Variants in BCAS3 observed in about 807,000 individuals in gnomAD.
The protein encoded by BCAS3 is BCAS3 microtubule associated cell migration factor, also known as BCAS4/BCAS3 fusion.
BCAS3 carries 53 observed loss-of-function variants against 116.1 expected under a neutral mutation model. That is an observed-to-expected ratio of 0.46 (90% CI 0.37 to 0.57). The LOEUF (loss-of-function observed/expected upper bound fraction) is 0.57, where lower values mean the gene tolerates loss of function less well. Among genes scored for constraint, BCAS3 ranks in the 20% least tolerant of loss-of-function variants. BCAS3 has a pLI of 0.00. For missense variants in BCAS3, 917 were observed against 1,165.4 expected (o/e 0.79, Z 3.10); for synonymous variants, 391 against 408.2 (o/e 0.96, Z 0.51).
chr17:61,030,451 G>T (rs1349029695), intron 16 of BCAS3, among the ~76,000 whole-genome samples: 1 of 152,038 alleles, frequency 6.6e-6, no homozygotes, highest in Non-Finnish European at 1.5e-5. Flanking sequence ...TATTGACCTG[G>T]CTGGATTACA....
chr17:61,384,164 C>G (rs2059736935), intron 23 of BCAS3, among the ~76,000 whole-genome samples: 1 of 152,218 alleles, frequency 6.6e-6, no homozygotes, highest in African/African-American at 2.4e-5. Context: ...TCTCCATCCC[C>G]CAAGCCCACC....
intron 22 of BCAS3, among the ~76,000 whole-genome samples, chr17:61,328,063 G>A (rs777549293): frequency 2.0e-5 from 3 of 151,692 alleles, no homozygotes; most frequent in Non-Finnish European, 4.4e-5. Flanking sequence ...CTGTTGTAAC[G>A]GCAAAGGAAA....
At chr17:60,979,772 G>C (rs1176909795) in intron 14 of BCAS3, among the ~76,000 whole-genome samples, 1 of 152,116 alleles carries the variant, frequency 6.6e-6, no homozygotes, top group Non-Finnish European at 1.5e-5. Context: ...TTTTGTCTTT[G>C]GTTCTGTTTA....
In BCAS3 at chr17:61,088,232, T is replaced by C. The variant is rs1568326448; in HGVS notation, c.2425+3668T>C. On this transcript the variant is annotated intron_variant, in intron 22 of 23. Transcript: ENST00000407086. The surrounding 1 kb of genome is among the most constrained non-coding windows in gnomAD (Gnocchi z 4.2). ...AACAAAAACCATCCTACCTAAAATT[T>C]GTGGGGGTTAAATAATTGTAAGATG... Among the ~76,000 whole-genome samples, 1 of 152,092 alleles carries C rather than the reference T, an allele frequency of 6.6e-6. No homozygotes were observed. Among genetic ancestry groups the C allele is most frequent in the Non-Finnish European group, 1.5e-5 (1 of 68,002 alleles).
chr17:60,933,257 C>G (rs998667873), intron 13 of BCAS3, among the ~76,000 whole-genome samples: 1 of 152,136 alleles, frequency 6.6e-6, no homozygotes, highest in African/African-American at 2.4e-5. Context: ...GGACAACAAA[C>G]TATTTCTTAT....
intron 22 of BCAS3, among the ~76,000 whole-genome samples, chr17:61,317,282 A>C (rs2054826265): frequency 6.6e-6 from 1 of 152,042 alleles, no homozygotes; most frequent in Admixed American, 6.5e-5. Context: ...GAGAGAGGGG[A>C]CTCCTCCAGA....
At chr17:61,152,591 C>T (rs2077600418) in intron 22 of BCAS3, among the ~76,000 whole-genome samples, 1 of 151,926 alleles carries the variant, frequency 6.6e-6, no homozygotes, top group Admixed American at 6.6e-5. Flanking sequence ...AGCCCAACCT[C>T]AGATCTAAGA....
At chr17:60,848,838 TACAA>T in intron 7 of BCAS3, among the ~76,000 whole-genome samples, 1 of 129,974 alleles carries the variant, frequency 7.7e-6, no homozygotes, top group African/African-American at 3.3e-5. Context: ...TAGCTGGGAC[TACAA>T]AAAAAAAAAA....
At chr17:60,763,423 C>T (rs906826523) in intron 6 of BCAS3, among the ~76,000 whole-genome samples, 6 of 152,040 alleles carry the variant, frequency 3.9e-5, no homozygotes, top group Non-Finnish European at 5.9e-5. Flanking sequence ...CGAATTTTGT[C>T]GAAGGCCTTT....
intron 6 of BCAS3, among the ~76,000 whole-genome samples, chr17:60,782,752 A>AT (rs915151670): frequency 8.0e-5 from 12 of 150,470 alleles, no homozygotes; most frequent in Non-Finnish European, 1.2e-4. Context: ...CACACAGCTA[A>AT]TTTTTTTTTA....
rs1229864550 is a variant in BCAS3, at chr17:60,683,982, A to G, written c.84A>G (p.Thr28=). Residue 28 remains threonine, a splice_region_variant and synonymous_variant, in exon 3 of 24, where the codon ACA becomes ACG. Coordinates refer to ENST00000407086, the MANE Select transcript of BCAS3 (RefSeq NM_017679.5). ...TGTTGTCCATTTCACCCTTTTCCAGAGAGCAGTCCTACATGGAAAGTGTTG... is the reference window on the plus strand; with the variant it reads ...TGTTGTCCATTTCACCCTTTTCCAGGGAGCAGTCCTACATGGAAAGTGTTG... ...GGVVVRPQAV[T]EQSYMESVVT... 7 of 1,613,288 alleles carry G rather than the reference A, an allele frequency of 4.3e-6. No homozygotes were observed. The highest frequency in any genetic ancestry group is 5.1e-6 in the Non-Finnish European group (6 of 1,179,382).
At chr17:60,698,458 A>T (rs186321013) in intron 4 of BCAS3, among the ~76,000 whole-genome samples, 137 of 152,238 alleles carry the variant, frequency 9.0e-4, no homozygotes, top group Admixed American at 1.1e-3. Context: ...AGTCTGGGCA[A>T]CACAGTGAAA....
intron 22 of BCAS3, among the ~76,000 whole-genome samples, chr17:61,357,294 TA>T (rs1406524509): frequency 1.4e-5 from 2 of 145,784 alleles, no homozygotes; most frequent in East Asian, 3.9e-4. Context: ...AATAAATAAA[TA>T]AAATAACAGG....
At chr17:60,757,390 GTA>G (rs1276711050) in intron 6 of BCAS3, among the ~76,000 whole-genome samples, 90 of 142,724 alleles carry the variant, frequency 6.3e-4, no homozygotes, top group Admixed American at 2.4e-3. Flanking sequence ...TTGCCAGCAT[GTA>G]TATGTGTGTG....
chr17:61,298,925 C>A (rs1296644452), intron 22 of BCAS3, among the ~76,000 whole-genome samples: 1 of 151,902 alleles, frequency 6.6e-6, no homozygotes, highest in East Asian at 2.0e-4. Context: ...TGGGTTCAAG[C>A]AGTTCTCCTG....
intron 23 of BCAS3, among the ~76,000 whole-genome samples, chr17:61,373,687 A>ATCTGCCTGCCTCAGCT (rs1379946681): frequency 7.5e-6 from 1 of 133,014 alleles, no homozygotes; most frequent in East Asian, 2.4e-4. Flanking sequence ...GCCTCAAGTG[A>ATCTGCCTGCCTCAGCT]TCCCAAAGTG....
intron 22 of BCAS3, among the ~76,000 whole-genome samples, chr17:61,123,554 A>G (rs1265485902): frequency 4.0e-5 from 6 of 151,808 alleles, no homozygotes; most frequent in Non-Finnish European, 8.8e-5. Context: ...GGGGCCTTAC[A>G]TGGAGTGGGC....
intron 22 of BCAS3, among the ~76,000 whole-genome samples, chr17:61,133,599 C>T (rs2076452980): frequency 6.6e-6 from 1 of 152,060 alleles, no homozygotes; most frequent in Admixed American, 6.6e-5. Context: ...CAGGACTGAA[C>T]CAAATTCCCC....
chr17:60,731,440 T>C (rs932872934), intron 5 of BCAS3, among the ~76,000 whole-genome samples: 1 of 152,136 alleles, frequency 6.6e-6, no homozygotes, highest in Non-Finnish European at 1.5e-5. Context: ...CTCAAACTCC[T>C]GACCTCAGGT....
Sources: allele counts gnomAD v4.1 joint callset (sites outside exome capture counted in the v4.1 genomes callset), GRCh38; gene constraint gnomAD v4.1.1; non-coding constraint Gnocchi (gnomAD v3.1); transcripts MANE v1.5; gene names NCBI Gene and HGNC (gene_info 2026-07-23, HGNC 2026-07-21).